Variants in TRAF7 observed in about 807,000 individuals in gnomAD.
TRAF7 encodes the protein E3 ubiquitin-protein ligase TRAF7.
In TRAF7, 45 loss-of-function variants were observed where a neutral mutation model predicts 89.3. The observed-to-expected ratio is 0.50, with a 90% confidence interval of 0.40 to 0.65. The LOEUF is 0.65. Ranked by LOEUF, TRAF7 falls within the 30% of genes least tolerant of loss-of-function variation. The probability of loss-of-function intolerance (pLI) is 0.00; values close to 1 mark genes in which losing one functional copy is unlikely to be tolerated. For missense variants in TRAF7, 677 were observed against 918.1 expected (o/e 0.74, Z 3.39); for synonymous variants, 406 against 369.2 (o/e 1.10, Z -1.14).
rs2093058522 is a variant in TRAF7, at chr16:2,161,543, C to G, written c.-38-2340C>G. ...CCCCGGGCAGGCATCACTGGCAGGG[C>G]TTGCAGCTGGCCCTGGGGCCCCGGA... is the stretch of plus-strand genomic sequence containing the variant. On this transcript the variant is annotated intron_variant, in intron 1 of 20. Coordinates refer to ENST00000326181, the MANE Select transcript of TRAF7 (RefSeq NM_032271.3). The surrounding 1 kb of genome is among the most constrained non-coding windows in gnomAD (Gnocchi z 5.2). Among the ~76,000 whole-genome samples, 1 of 152,150 alleles carries G rather than the reference C, an allele frequency of 6.6e-6. No homozygotes were observed. Among genetic ancestry groups the G allele is most frequent in the African/African-American group, 2.4e-5 (1 of 41,438 alleles).
chr16:2,173,701 T>A (rs1346429160), intron 11 of TRAF7, 87 bp from the exon 12 acceptor site: 1 of 1,585,424 alleles, frequency 6.3e-7, no homozygotes, highest in Non-Finnish European at 8.6e-7. Flanking sequence ...TGCCCACCCC[T>A]GGCCCAGGGC....
In TRAF7 at chr16:2,172,617, G is replaced by T; in HGVS notation, c.794+18G>T. The T allele has an allele frequency of 5.6e-6, 8 of 1,437,578 alleles. No individual in the cohort carries two copies. Among genetic ancestry groups the T allele is most frequent in the Non-Finnish European group, 7.6e-6 (8 of 1,048,092 alleles). 89.1% of individuals were successfully genotyped at this position (1,437,578 alleles called of 1,614,324 possible). Reference sequence around the variant, plus strand: ...AAGTACGGGTGAGTGGGGGGCGGGCGGGGGTGGGCCGGGGTGGGCGCAGGC... The same window carrying T: ...AAGTACGGGTGAGTGGGGGGCGGGCTGGGGTGGGCCGGGGTGGGCGCAGGC... On this transcript the variant is annotated intron_variant, in intron 9 of 20. Coordinates refer to ENST00000326181, the MANE Select transcript of TRAF7 (RefSeq NM_032271.3).
At position 2,173,915 on chromosome 16, in the gene TRAF7, C is replaced by G. The variant is rs776306188; in HGVS notation, c.1136-6C>G. 6.2e-7 allele frequency: 1 copy of G among 1,600,364 alleles called. No homozygotes were observed. The highest frequency in any genetic ancestry group is 8.5e-7 in the Non-Finnish European group (1 of 1,173,258). On this transcript the variant is annotated splice_region_variant and splice_polypyrimidine_tract_variant and intron_variant, in intron 12 of 20. Coordinates refer to ENST00000326181, the MANE Select transcript of TRAF7 (RefSeq NM_032271.3). Reference sequence around the variant, plus strand: ...GGGCCTTCACCCACTGCTCCCATCTCTGCAGCCTACGACCCTCAGCAGATC... The same window carrying G: ...GGGCCTTCACCCACTGCTCCCATCTGTGCAGCCTACGACCCTCAGCAGATC...
At chr16:2,160,057 G>T (rs1055433655) in intron 1 of TRAF7, among the ~76,000 whole-genome samples, 1 of 152,212 alleles carries the variant, frequency 6.6e-6, no homozygotes, top group Non-Finnish European at 1.5e-5. Context: ...TGAGGGATTT[G>T]CCGAAGAGGG....
chr16:2,176,983 G>T lies in TRAF7; in HGVS notation c.*409G>T. On this transcript the variant is annotated 3_prime_UTR_variant, in exon 21 of 21. Transcript: ENST00000326181. ...CCTCGGGACAAGGGGGCTGTGTGTG[G>T]CCTTGAGGTTGGTGTGCACAGGCAC... is the stretch of plus-strand genomic sequence containing the variant. The T allele has an allele frequency of 2.5e-6, 1 of 401,862 alleles. No homozygotes were observed. Among genetic ancestry groups the T allele is most frequent in the Non-Finnish European group, 4.7e-6 (1 of 213,914 alleles). 24.9% of individuals were successfully genotyped at this position (401,862 alleles called of 1,614,324 possible).
chr16:2,171,197 G>T (rs1001297202), intron 5 of TRAF7, 67 bp from the exon 6 acceptor site: 144 of 1,351,974 alleles, frequency 1.1e-4, no homozygotes, highest in Non-Finnish European at 1.4e-4. Context: ...GAGCGCCTGG[G>T]TGCCTGGGTG....
chr16:2,163,512 A>T lies in TRAF7; in HGVS notation c.-38-371A>T. 4.0e-6 allele frequency: 1 copy of T among 248,978 alleles called. No individual in the cohort carries two copies. 15.4% of individuals were successfully genotyped at this position (248,978 alleles called of 1,614,324 possible). ...ACCCTGGGCCTACCCACCAAGGCCC[A>T]GCCTTGGCCCCAGGGACATTCAGCC... On this transcript the variant is annotated intron_variant, in intron 1 of 20. Coordinates refer to ENST00000326181, the MANE Select transcript of TRAF7 (RefSeq NM_032271.3). The surrounding 1 kb of genome is among the most constrained non-coding windows in gnomAD (Gnocchi z 4.3).
At chr16:2,170,086 C>G (rs2093101943) in intron 4 of TRAF7, among the ~76,000 whole-genome samples, 1 of 152,306 alleles carries the variant, frequency 6.6e-6, no homozygotes, top group South Asian at 2.1e-4. Context: ...AGCCGAGGTT[C>G]TCTGGGGGCC....
rs747417102 is a variant in TRAF7, at chr16:2,168,122, C to T, written c.185C>T (p.Ser62Phe). 4 of 1,612,460 alleles carry T rather than the reference C, an allele frequency of 2.5e-6. No individual in the cohort carries two copies. The highest frequency in any genetic ancestry group is 3.4e-6 in the Non-Finnish European group (4 of 1,179,914). Reference protein sequence around the residue: ...TYKQHCRTPSSSSTLAYSPRD... With the variant: ...TYKQHCRTPSFSSTLAYSPRD... ...AAGCAGCACTGCAGGACACCCTCCTCCTCCAGCACCCTTGCCTACTCCCCG... is the reference window on the plus strand; with the variant it reads ...AAGCAGCACTGCAGGACACCCTCCTTCTCCAGCACCCTTGCCTACTCCCCG... Residue 62 changes from serine to phenylalanine, a missense_variant, in exon 4 of 21, where the codon TCC becomes TTC. Physicochemically the swap from Ser to Phe is radical, Grantham distance 155. Around this residue, in one of 6 missense-constraint regions of TRAF7, gnomAD observed 240 missense variants for 191.9 expected, o/e 1.25. Transcript: ENST00000326181. This position sits in a 1 kb window ranked among gnomAD's most constrained non-coding sequence, Gnocchi z 4.1.
chr16:2,164,032 T>C (rs767129695), intron 2 of TRAF7, 31 bp downstream of exon 2: 2 of 1,575,044 alleles, frequency 1.3e-6, no homozygotes, highest in Admixed American at 3.5e-5. Context: ...AAGCCCAACA[T>C]CCCCAGGACC....
chr16:2,166,006 G>A, intron 3 of TRAF7, 70 bp downstream of exon 3: 1 of 1,583,102 alleles, frequency 6.3e-7, no homozygotes, highest in South Asian at 1.1e-5. Context: ...CCCTGCTAAG[G>A]ACTGAGGGAC....
rs1470439904 is a variant in TRAF7 at position 2,163,076 on chromosome 16, C to T, written c.-38-807C>T. On this transcript the variant is annotated intron_variant, in intron 1 of 20. Coordinates refer to ENST00000326181, the MANE Select transcript of TRAF7 (RefSeq NM_032271.3). This position sits in a 1 kb window ranked among gnomAD's most constrained non-coding sequence, Gnocchi z 4.3. ...CTTTTTCTCTCTAATGTTTACCTTC[C>T]CCTACTGGTGTCCCTGGGCCTGGCC... Among the ~76,000 whole-genome samples, 1 of 152,164 alleles carries T rather than the reference C, an allele frequency of 6.6e-6. No homozygotes were observed. The highest frequency in any genetic ancestry group is 1.5e-5 in the Non-Finnish European group (1 of 68,016).
In TRAF7 at chr16:2,168,192, C is replaced by T. The variant is rs368722189; in HGVS notation, c.231+24C>T. 169 of 1,588,256 alleles carry T rather than the reference C, an allele frequency of 1.1e-4. No individual in the cohort carries two copies. Among genetic ancestry groups the T allele is most frequent in the Admixed American group, 5.2e-4 (30 of 57,452 alleles). On this transcript the variant is annotated intron_variant, in intron 4 of 20. Transcript: ENST00000326181. The surrounding 1 kb of genome is among the most constrained non-coding windows in gnomAD (Gnocchi z 4.1). ...TGGTAGGTCCCTACCCCCAGGAGCC[C>T]GTGTGAGCCTCAGCCTCCCCCCATC...
Position 2,176,589 on chromosome 16 carries a change from G to C in TRAF7, c.*15G>C, listed in dbSNP as rs1192085945. On this transcript the variant is annotated 3_prime_UTR_variant, in exon 21 of 21. Transcript: ENST00000326181. The stretch of plus-strand genomic sequence containing the variant: ...GGACTTGCTAACAGGATCCAGGCCA[G>C]GCTGTGGTTTCCCCTGAACCAGCCC... 1 of 1,613,462 alleles carries C rather than the reference G, an allele frequency of 6.2e-7. No individual in the cohort carries two copies. Among genetic ancestry groups the C allele is most frequent in the Non-Finnish European group, 8.5e-7 (1 of 1,180,008 alleles).
chr16:2,173,857 G>GCGGGGGGGGGCCCCCC, intron 12 of TRAF7, 21 bp downstream of exon 12: 3 of 1,607,444 alleles, frequency 1.9e-6, no homozygotes, highest in Non-Finnish European at 1.7e-6. Flanking sequence ...ACCCGCCGTG[G>GCGGGGGGGGGCCCCCC]CTCCCGCCCA....
chr16:2,160,417 G>A (rs1418108824), intron 1 of TRAF7, among the ~76,000 whole-genome samples: 2 of 150,838 alleles, frequency 1.3e-5, no homozygotes, highest in South Asian at 2.1e-4. Flanking sequence ...CAGTGTGGAC[G>A]GGCAGGTGGT....
intron 2 of TRAF7, among the ~76,000 whole-genome samples, chr16:2,165,001 CCT>C (rs2093077558): frequency 9.5e-6 from 1 of 105,220 alleles, no homozygotes; most frequent in East Asian, 2.6e-4. Flanking sequence ...TGCTGCGTGG[CCT>C]GGCCTGGTCG....
rs770881335 is a variant in TRAF7 at position 2,163,951 on chromosome 16, C to G, written c.31C>G (p.Arg11Gly). The change falls in exon 2 of 21, where the codon CGC (arginine) becomes GGC (glycine). Residue 11 changes from arginine (R) to glycine (G), a missense_variant. Arg to Gly is a moderately radical substitution (Grantham distance 125). Around this residue, in one of 6 missense-constraint regions of TRAF7, gnomAD observed 240 missense variants for 191.9 expected, o/e 1.25. Transcript: ENST00000326181. The surrounding 1 kb of genome is among the most constrained non-coding windows in gnomAD (Gnocchi z 4.3). MSSGKSARYNRFSGGPSNLPT... is the reference protein window; with the variant it reads MSSGKSARYNGFSGGPSNLPT... The stretch of plus-strand genomic sequence containing the variant: ...CTCAGGCAAGAGTGCCCGCTACAAC[C>G]GCTTCTCCGGGGGGCCCAGCAATCT... 1.2e-6 allele frequency: 2 copies of G among 1,612,860 alleles called. No individual in the cohort carries two copies. Among genetic ancestry groups the G allele is most frequent in the Admixed American group, 3.3e-5 (2 of 59,940 alleles).
At position 2,168,337 on chromosome 16, in the gene TRAF7, G is replaced by T. The variant is rs1238603896; in HGVS notation, c.231+169G>T. 2 of 585,690 alleles carry T rather than the reference G, an allele frequency of 3.4e-6. No homozygotes were observed. Among genetic ancestry groups the T allele is most frequent in the Non-Finnish European group, 5.9e-6 (2 of 338,438 alleles). The allele number at this position is 585,690 out of a possible 1,614,324, so 36.3% of individuals were successfully genotyped here. ...GCAGACATGGCAAGTCTGTGAGAAA[G>T]GAGGCTCCTGTGGCTGGACTGTGGG... On this transcript the variant is annotated intron_variant, in intron 4 of 20. Coordinates refer to ENST00000326181, the MANE Select transcript of TRAF7 (RefSeq NM_032271.3). This position sits in a 1 kb window ranked among gnomAD's most constrained non-coding sequence, Gnocchi z 4.1.
Sources: gnomAD v4.1 joint callset for allele counts (sites outside exome capture counted in the v4.1 genomes callset) on GRCh38, gnomAD v4.1.1 for gene constraint, gnomAD v4.1.1 regional missense constraint, Gnocchi (gnomAD v3.1) non-coding constraint, MANE v1.5 for transcripts, NCBI Gene and HGNC (gene_info 2026-07-23, HGNC 2026-07-21) for gene names.